MACROD2: variants seen among roughly 807,000 people sequenced by gnomAD.
MACROD2 encodes mono-ADP ribosylhydrolase 2.
In MACROD2, 36 loss-of-function variants were observed where a neutral mutation model predicts 70.4. The ratio of observed to expected loss-of-function variants is 0.51; its 90% CI spans 0.39 to 0.68. The LOEUF is 0.68. MACROD2 is among the 30% of genes least tolerant of loss of function. The pLI, the probability that MACROD2 is intolerant of heterozygous loss-of-function variation, is 0.00. For missense variants in MACROD2, 496 were observed against 538.4 expected, an observed-to-expected ratio of 0.92 and a Z score of 0.78; for synonymous variants, 172 against 178.8, an observed-to-expected ratio of 0.96 and a Z score of 0.30.
intron 10 of MACROD2, among the ~76,000 whole-genome samples, chr20:15,904,403 A>T (rs2065111830): frequency 6.6e-6 from 1 of 152,186 alleles, no homozygotes; most frequent in Non-Finnish European, 1.5e-5. Flanking sequence ...GCACAAAAAT[A>T]TTGACAAACA....
At chr20:14,079,092 C>G (rs771807188) in intron 2 of MACROD2, among the ~76,000 whole-genome samples, 1 of 152,212 alleles carries the variant, frequency 6.6e-6, no homozygotes, top group Non-Finnish European at 1.5e-5. Context: ...TGTTTAACCA[C>G]AGACATTTTA....
At chr20:14,544,692 GA>G (rs1413474275) in intron 4 of MACROD2, among the ~76,000 whole-genome samples, 1 of 152,064 alleles carries the variant, frequency 6.6e-6, no homozygotes, top group Non-Finnish European at 1.5e-5. Flanking sequence ...ATAGGGGAGT[GA>G]AAAAGTAGGG....
At chr20:14,554,762 A>G (rs990318177) in intron 4 of MACROD2, among the ~76,000 whole-genome samples, 1 of 152,154 alleles carries the variant, frequency 6.6e-6, no homozygotes, top group Non-Finnish European at 1.5e-5. Flanking sequence ...TCAGGGGGAA[A>G]ATAGTACAGA....
chr20:14,699,202 C>T (rs1444407620), intron 5 of MACROD2, among the ~76,000 whole-genome samples: 5 of 152,080 alleles, frequency 3.3e-5, no homozygotes, highest in African/African-American at 9.7e-5. Context: ...CGTTCAAAGT[C>T]TATTTCTAAG....
intron 3 of MACROD2, among the ~76,000 whole-genome samples, chr20:14,115,635 A>G (rs182115020): frequency 8.5e-5 from 13 of 152,314 alleles, no homozygotes; most frequent in Admixed American, 5.9e-4. Context: ...AGGCAGTATC[A>G]TTGAAAAAAC....
chr20:15,644,711 T>C (rs1490801551), intron 8 of MACROD2, among the ~76,000 whole-genome samples: 1 of 152,166 alleles, frequency 6.6e-6, no homozygotes, highest in Non-Finnish European at 1.5e-5. Flanking sequence ...TTTTTTGACA[T>C]GAAGTTTCAC....
chr20:14,014,666 T>C (rs1235549034), intron 2 of MACROD2, among the ~76,000 whole-genome samples: 1 of 152,208 alleles, frequency 6.6e-6, no homozygotes, highest in Non-Finnish European at 1.5e-5. Context: ...CCTGCAGATA[T>C]ATCTGTTCTT....
chr20:14,811,875 G>A (rs2072716369), intron 5 of MACROD2, among the ~76,000 whole-genome samples: 1 of 152,118 alleles, frequency 6.6e-6, no homozygotes, highest in Admixed American at 6.5e-5. Context: ...AAACCACAAT[G>A]AGATACCATC....
chr20:14,033,142 G>T (rs770713747), intron 2 of MACROD2, among the ~76,000 whole-genome samples: 1 of 145,986 alleles, frequency 6.8e-6, no homozygotes, highest in Non-Finnish European at 1.5e-5. Flanking sequence ...CTTTTTGTGT[G>T]GTAGGCGGTA....
chr20:14,589,183 A>G (rs1981592007), intron 4 of MACROD2, among the ~76,000 whole-genome samples: 1 of 152,124 alleles, frequency 6.6e-6, no homozygotes, highest in African/African-American at 2.4e-5. Flanking sequence ...TGTATATCTA[A>G]TGATTAAATC....
At chr20:14,047,212 C>T (rs563990451) in intron 2 of MACROD2, among the ~76,000 whole-genome samples, 3 of 151,924 alleles carry the variant, frequency 2.0e-5, no homozygotes, top group South Asian at 2.1e-4. Context: ...TTTGGGAGGC[C>T]GAGGTAGGCG....
chr20:14,607,786 G>A (rs1308707902), intron 4 of MACROD2, among the ~76,000 whole-genome samples: 1 of 152,114 alleles, frequency 6.6e-6, no homozygotes, highest in Non-Finnish European at 1.5e-5. Context: ...TAAATTCCAT[G>A]CCATCGTTTT....
chr20:14,261,020 TA>T (rs2122311469), intron 3 of MACROD2, among the ~76,000 whole-genome samples: 1 of 152,340 alleles, frequency 6.6e-6, no homozygotes, highest in East Asian at 1.9e-4. Context: ...TAATAAGATG[TA>T]AATTACATGC....
At chr20:15,951,122 T>C (rs1267732732) in intron 12 of MACROD2, among the ~76,000 whole-genome samples, 1 of 152,140 alleles carries the variant, frequency 6.6e-6, no homozygotes, top group Non-Finnish European at 1.5e-5. Flanking sequence ...AGTCTGGCCT[T>C]CTTGAATTTA....
At chr20:15,985,193 C>G (rs1033421938) in intron 13 of MACROD2, among the ~76,000 whole-genome samples, 1 of 152,010 alleles carries the variant, frequency 6.6e-6, no homozygotes, top group Non-Finnish European at 1.5e-5. Flanking sequence ...TTACTTACAC[C>G]GGACCTGTTT....
chr20:14,127,788 A>G (rs766104340), intron 3 of MACROD2: 6 of 451,900 alleles, frequency 1.3e-5, no homozygotes, highest in Non-Finnish European at 2.6e-5. Flanking sequence ...AGAGAAAGCA[A>G]AAGAGAAAAT....
chr20:14,257,037 C>G (rs1393547121), intron 3 of MACROD2, among the ~76,000 whole-genome samples: 1 of 151,992 alleles, frequency 6.6e-6, no homozygotes, highest in East Asian at 1.9e-4. Flanking sequence ...CTCATGCATA[C>G]CAAAGACATT....
chr20:15,831,025 T>A lies in MACROD2; in HGVS notation c.646-31720T>A, dbSNP rs184382129. On this transcript the variant is annotated intron_variant, in intron 8 of 17. Transcript: ENST00000684519. ...ATTTAAAGACTCAAAGTATTTATAT[T>A]ATTTAGGACTAACACAAATTCAAAA... Among the ~76,000 whole-genome samples, 29 of 152,302 alleles carry A rather than the reference T, an allele frequency of 1.9e-4. No individual in the cohort carries two copies. In the East Asian group the frequency reaches 4.1e-3, roughly 21 times the overall value.
At chr20:14,347,526 T>A (rs1601515243) in intron 3 of MACROD2, among the ~76,000 whole-genome samples, 1 of 152,062 alleles carries the variant, frequency 6.6e-6, no homozygotes, top group Admixed American at 6.6e-5. Flanking sequence ...ATGGTAAGGG[T>A]ACACAAATAT....
Sources: gnomAD v4.1 joint callset for allele counts (sites outside exome capture counted in the v4.1 genomes callset) on GRCh38, gnomAD v4.1.1 for gene constraint, MANE v1.5 for transcripts, NCBI Gene and HGNC (gene_info 2026-07-23, HGNC 2026-07-21) for gene names.